Variants in PPP1R3A observed in about 807,000 individuals in gnomAD.
PPP1R3A encodes RG1.
A neutral mutation model predicts 41.7 loss-of-function variants in PPP1R3A; 29 were observed. That is an observed-to-expected ratio of 0.70 (90% CI 0.52 to 0.95). The LOEUF is 0.95. Ranked by LOEUF, PPP1R3A falls within the 40% of genes least tolerant of loss-of-function variation. The pLI is 0.00. For synonymous variants in PPP1R3A, 485 were observed against 453.4 expected (o/e 1.07, Z -0.89); for missense variants, 1,352 against 1,292.4 (o/e 1.05, Z -0.71).
Position 113,882,029 on chromosome 7 carries a change from G to C in PPP1R3A, c.966+10C>G. 2 of 1,611,906 alleles carry C rather than the reference G, an allele frequency of 1.2e-6. No individual in the cohort carries two copies. Among genetic ancestry groups the C allele is most frequent in the Non-Finnish European group, 1.7e-6 (2 of 1,178,596 alleles). On this transcript the variant is annotated intron_variant, in intron 3 of 3. Coordinates refer to ENST00000284601, the MANE Select transcript of PPP1R3A (RefSeq NM_002711.4). ...ATCTTCTCTAATACCGTGGCAACCA[G>C]AACACTTACCATCAACTCTAATTCT...
At position 113,885,896 on chromosome 7, in the gene PPP1R3A, T is replaced by C. The variant is rs532225157; in HGVS notation, c.783-3576A>G. Among the ~76,000 whole-genome samples the C allele has an allele frequency of 5.4e-5, 8 of 148,504 alleles. No individual in the cohort carries two copies. The South Asian group carries it at 1.7e-3, about 31-fold the overall frequency. ...TATATTATATAAATATGTTAAATAT[T>C]ATATATAGGTATATATAGCTATAAC... On this transcript the variant is annotated intron_variant, in intron 1 of 3. Transcript: ENST00000284601.
At position 113,892,387 on chromosome 7, in the gene PPP1R3A, T is replaced by C. The variant is rs548553463; in HGVS notation, c.783-10067A>G. Among the ~76,000 whole-genome samples the C allele has an allele frequency of 1.1e-4, 17 of 152,212 alleles. No homozygotes were observed. In the East Asian group the frequency reaches 2.1e-3, roughly 19 times the overall value. On this transcript the variant is annotated intron_variant, in intron 1 of 3. Transcript: ENST00000284601. ...TATTGTGGACTGTTTCTTTTCATAA[T>C]GTTATGTTGCAGCTTCTCTAAAAAT...
At position 113,878,728 on chromosome 7, in the gene PPP1R3A, A is replaced by T; in HGVS notation, c.2364T>A (p.Cys788Ter). ...GRNDDSHYTL[C>*]QRDTVGVIYD... is the part of the protein sequence containing the mutation. ...AGATTACACCTACTGTATCTCGTTG[A>T]CAAAGGGTATAATGTGAATCATCAT... The change falls in exon 4 of 4, where the codon TGT becomes TGA. Residue 788 changes from cysteine (C) to a stop codon, truncating the protein, a stop_gained. Coordinates refer to ENST00000284601, the MANE Select transcript of PPP1R3A (RefSeq NM_002711.4). LOFTEE classifies it low-confidence loss of function (END_TRUNC). 3 of 1,613,500 alleles carry T rather than the reference A, an allele frequency of 1.9e-6. No individual in the cohort carries two copies. Among genetic ancestry groups the T allele is most frequent in the Non-Finnish European group, 2.5e-6 (3 of 1,179,712 alleles).
chr7:113,887,876 A>G (rs1796812566), intron 1 of PPP1R3A, among the ~76,000 whole-genome samples: 1 of 151,986 alleles, frequency 6.6e-6, no homozygotes, highest in Non-Finnish European at 1.5e-5. Context: ...CTGAAAATAC[A>G]AAAAATTAGC....
intron 1 of PPP1R3A, among the ~76,000 whole-genome samples, chr7:113,885,592 A>C (rs1796770890): frequency 6.6e-6 from 1 of 151,984 alleles, no homozygotes; most frequent in Non-Finnish European, 1.5e-5. Flanking sequence ...GTCTTGAATC[A>C]ACCCAAATCA....
intron 1 of PPP1R3A, among the ~76,000 whole-genome samples, chr7:113,907,057 A>T (rs1174268634): frequency 6.6e-6 from 1 of 151,852 alleles, no homozygotes; most frequent in Non-Finnish European, 1.5e-5. Flanking sequence ...GCTTGAATAG[A>T]AACAGTGAAC....
chr7:113,880,127 T>G lies in PPP1R3A; in HGVS notation c.967-2A>C. 6.3e-7 allele frequency: 1 copy of G among 1,583,870 alleles called. No individual in the cohort carries two copies. Among genetic ancestry groups the G allele is most frequent in the South Asian group, 1.1e-5 (1 of 90,264 alleles). On this transcript the variant is annotated splice_acceptor_variant, in intron 3 of 3. Transcript: ENST00000284601. LOFTEE classifies it high-confidence loss of function. ...GGTTCTTATTAAGTGTTGATTTATCTTATGGGATAAAAACAACAAAGAAAT... is the reference window on the plus strand; with the variant it reads ...GGTTCTTATTAAGTGTTGATTTATCGTATGGGATAAAAACAACAAAGAAAT...
intron 1 of PPP1R3A, among the ~76,000 whole-genome samples, chr7:113,887,414 T>G (rs1466838558): frequency 6.6e-6 from 1 of 152,008 alleles, no homozygotes. Context: ...TAACAAACAC[T>G]GAGAAACTGA....
chr7:113,894,828 C>A (rs1295296830), intron 1 of PPP1R3A, among the ~76,000 whole-genome samples: 2 of 151,950 alleles, frequency 1.3e-5, no homozygotes, highest in Non-Finnish European at 2.9e-5. Flanking sequence ...CTCTAACCTC[C>A]AAACTCTATA....
rs751998513 is a variant in PPP1R3A at position 113,879,866 on chromosome 7, G to A, written c.1226C>T (p.Thr409Ile). The change falls in exon 4 of 4, where the codon ACT (threonine) becomes ATT (isoleucine). Residue 409 changes from threonine (T) to isoleucine (I), a missense_variant. Transcript: ENST00000284601. ...TGGCTTGATTTCTCCCATATTTGAA[G>A]TAGTTTCCTCTGAAGGTTGATGTGT... is the stretch of plus-strand genomic sequence containing the variant. ...DCTHQPSEET[T>I]SNMGEIKPSL... 5 of 1,613,534 alleles carry A rather than the reference G, an allele frequency of 3.1e-6. No homozygotes were observed. The highest frequency in any genetic ancestry group is 3.4e-6 in the Non-Finnish European group (4 of 1,179,692).
chr7:113,899,810 C>T (rs1228606738), intron 1 of PPP1R3A, among the ~76,000 whole-genome samples: 2 of 151,724 alleles, frequency 1.3e-5, no homozygotes, highest in African/African-American at 2.4e-5. Context: ...TTTTGAGACG[C>T]ACTGGTTTAC....
chr7:113,913,732 C>G (rs907345773), intron 1 of PPP1R3A, among the ~76,000 whole-genome samples: 9 of 152,136 alleles, frequency 5.9e-5, no homozygotes, highest in East Asian at 1.9e-4. Flanking sequence ...GACCACCCCC[C>G]AGGCCAGTAA....
chr7:113,893,973 A>T (rs920165074), intron 1 of PPP1R3A, among the ~76,000 whole-genome samples: 1 of 151,950 alleles, frequency 6.6e-6, no homozygotes, highest in African/African-American at 2.4e-5. Context: ...CAAGGATAAC[A>T]GGTCGAAATT....
chr7:113,918,184 GAAT>G (rs777280390), intron 1 of PPP1R3A, 28 bp downstream of exon 1: 1 of 1,545,612 alleles, frequency 6.5e-7, no homozygotes, highest in Non-Finnish European at 8.7e-7. Context: ...TTAAGATTGT[GAAT>G]AATAAAATAT....
chr7:113,880,049 T>C lies in PPP1R3A; in HGVS notation c.1043A>G (p.Asn348Ser). 6.2e-7 allele frequency: 1 copy of C among 1,610,786 alleles called. No individual in the cohort carries two copies. Among genetic ancestry groups the C allele is most frequent in the African/African-American group, 1.3e-5 (1 of 74,910 alleles). ...TAACCCCTCTGCTTTATTTGGAAAATTGACTGGATCTGTTGAAAATGTATT... is the reference window on the plus strand; with the variant it reads ...TAACCCCTCTGCTTTATTTGGAAAACTGACTGGATCTGTTGAAAATGTATT... ...ERNTFSTDPV[N>S]FPNKAEGLEK... Residue 348 changes from asparagine (N) to serine (S), a missense_variant, in exon 4 of 4, where the codon AAT becomes AGT. Transcript: ENST00000284601.
At chr7:113,888,629 C>CT (rs1475700609) in intron 1 of PPP1R3A, among the ~76,000 whole-genome samples, 1 of 152,162 alleles carries the variant, frequency 6.6e-6, no homozygotes, top group Non-Finnish European at 1.5e-5. Flanking sequence ...GTTTTATGTG[C>CT]TGGGTGACTT....
At chr7:113,907,643 A>G (rs1797168923) in intron 1 of PPP1R3A, among the ~76,000 whole-genome samples, 1 of 151,832 alleles carries the variant, frequency 6.6e-6, no homozygotes, top group African/African-American at 2.4e-5. Context: ...AAAGTAGCCT[A>G]TGAATTAACT....
chr7:113,912,878 G>A (rs1043472216), intron 1 of PPP1R3A, among the ~76,000 whole-genome samples: 8 of 151,988 alleles, frequency 5.3e-5, no homozygotes, highest in Non-Finnish European at 1.0e-4. Flanking sequence ...CACAGCATGA[G>A]AGACACCCTG....
chr7:113,878,425 T>C lies in PPP1R3A; in HGVS notation c.2667A>G (p.Ser889=), dbSNP rs371001376. ...CAATGGCATCCGAGTCTGTTTTCTT[T>C]GATAATTCTTGAACCTGCCTAAGAT... The part of the protein sequence containing the change: ...NRDLRQVQEL[S]KKTDSDAIVH... Residue 889 remains serine (S), a synonymous_variant, in exon 4 of 4, where the codon TCA becomes TCG. Transcript: ENST00000284601. 6.2e-6 allele frequency: 10 copies of C among 1,611,830 alleles called. No individual in the cohort carries two copies. Among genetic ancestry groups the C allele is most frequent in the Non-Finnish European group, 8.5e-6 (10 of 1,179,674 alleles).
Sources: allele counts gnomAD v4.1 joint callset (sites outside exome capture counted in the v4.1 genomes callset), GRCh38; gene constraint gnomAD v4.1.1; transcripts MANE v1.5; gene names NCBI Gene and HGNC (gene_info 2026-07-23, HGNC 2026-07-21).